Variants in GMDS observed in about 807,000 individuals in gnomAD.
GMDS encodes GDP-mannose 4,6-dehydratase.
In GMDS, 20 loss-of-function variants were observed where a neutral mutation model predicts 49.9. The ratio of observed to expected loss-of-function variants is 0.40; its 90% CI spans 0.28 to 0.58. The LOEUF is 0.58. Among genes scored for constraint, GMDS ranks in the 20% least tolerant of loss-of-function variants. The pLI is 0.42. For missense variants in GMDS, 362 were observed against 481.4 expected, an observed-to-expected ratio of 0.75 and a Z score of 2.32; for synonymous variants, 177 against 178.6, an observed-to-expected ratio of 0.99 and a Z score of 0.07.
intron 1 of GMDS, among the ~76,000 whole-genome samples, chr6:2,221,450 G>C (rs890470101): frequency 6.6e-6 from 1 of 151,776 alleles, no homozygotes. Context: ...GCGCAATCTC[G>C]GCTCACTGCA....
In GMDS at chr6:1,721,208, C is replaced by T. The variant is rs1225861042; in HGVS notation, c.987+5208G>A. 4.6e-5 allele frequency among the ~76,000 whole-genome samples: 7 copies of T among 152,028 alleles called. No homozygotes were observed. In the South Asian group the frequency reaches 8.3e-4, roughly 18 times the overall value. On this transcript the variant is annotated intron_variant, in intron 9 of 10. Transcript: ENST00000380815. ...TTTGCGGGGGGTGGGGAGGACAACTCGACAAGCATATGGTAATTTGATCAG... is the reference window on the plus strand; with the variant it reads ...TTTGCGGGGGGTGGGGAGGACAACTTGACAAGCATATGGTAATTTGATCAG...
intron 7 of GMDS, among the ~76,000 whole-genome samples, chr6:1,831,591 G>A (rs1324249527): frequency 2.0e-5 from 3 of 152,190 alleles, no homozygotes; most frequent in Non-Finnish European, 2.9e-5. Flanking sequence ...TCACTCAGGC[G>A]ATAGAAGAAA....
chr6:1,864,673 T>C (rs1295266402), intron 7 of GMDS, among the ~76,000 whole-genome samples: 1 of 152,156 alleles, frequency 6.6e-6, no homozygotes, highest in East Asian at 1.9e-4. Context: ...TTGACCTTTT[T>C]AACACCACTT....
At chr6:1,877,829 C>T (rs942296543) in intron 7 of GMDS, among the ~76,000 whole-genome samples, 2 of 151,960 alleles carry the variant, frequency 1.3e-5, no homozygotes, top group Non-Finnish European at 2.9e-5. Context: ...CTGAGAGATG[C>T]TTCATTTGGA....
At chr6:1,642,067 G>A (rs1360608645) in intron 9 of GMDS, among the ~76,000 whole-genome samples, 1 of 150,820 alleles carries the variant, frequency 6.6e-6, no homozygotes, top group Non-Finnish European at 1.5e-5. Flanking sequence ...TTTTCATCCT[G>A]TCCTCGCTCA....
intron 4 of GMDS, among the ~76,000 whole-genome samples, chr6:1,994,178 T>G (rs941125094): frequency 6.6e-6 from 1 of 152,234 alleles, no homozygotes; most frequent in Non-Finnish European, 1.5e-5. Flanking sequence ...TAAAGTCACA[T>G]TGTCTCCTTT....
chr6:1,893,357 C>A (rs944455139), intron 7 of GMDS, among the ~76,000 whole-genome samples: 1 of 151,890 alleles, frequency 6.6e-6, no homozygotes, highest in Non-Finnish European at 1.5e-5. Flanking sequence ...CCATGCCCAG[C>A]TAACTTGTAT....
At chr6:2,069,170 G>T (rs1361985244) in intron 4 of GMDS, among the ~76,000 whole-genome samples, 5 of 152,290 alleles carry the variant, frequency 3.3e-5, no homozygotes, top group African/African-American at 7.2e-5. Flanking sequence ...ATGGGGAAAG[G>T]ATTCCCTATT....
chr6:1,761,946 A>T (rs1768175193), intron 7 of GMDS, among the ~76,000 whole-genome samples: 1 of 152,240 alleles, frequency 6.6e-6, no homozygotes, highest in Non-Finnish European at 1.5e-5. Flanking sequence ...AAAATGAAAC[A>T]GAGACTTTGC....
chr6:1,941,753 T>C (rs1762833484), intron 6 of GMDS, among the ~76,000 whole-genome samples: 1 of 151,882 alleles, frequency 6.6e-6, no homozygotes. Flanking sequence ...GAGGTGAGAA[T>C]TGCTGATGCC....
intron 9 of GMDS, among the ~76,000 whole-genome samples, chr6:1,677,620 A>G (rs1764666308): frequency 6.6e-6 from 1 of 152,118 alleles, no homozygotes; most frequent in Non-Finnish European, 1.5e-5. Flanking sequence ...GCAGCCATAA[A>G]AAAGGATGAG....
chr6:2,200,346 G>C (rs1457335417), intron 1 of GMDS, among the ~76,000 whole-genome samples: 1 of 151,960 alleles, frequency 6.6e-6, no homozygotes, highest in Non-Finnish European at 1.5e-5. Context: ...CATCCGAGAT[G>C]AAACAATCTA....
intron 1 of GMDS, among the ~76,000 whole-genome samples, chr6:2,214,379 A>G (rs937805365): frequency 6.6e-6 from 1 of 151,968 alleles, no homozygotes; most frequent in African/African-American, 2.4e-5. Flanking sequence ...AATATGAGGG[A>G]AAAAAAATGG....
chr6:1,656,251 C>T (rs1183961790), intron 9 of GMDS, among the ~76,000 whole-genome samples: 1 of 152,088 alleles, frequency 6.6e-6, no homozygotes, highest in Admixed American at 6.5e-5. Context: ...GTCTCCTGGC[C>T]CCGGTGTTTG....
At chr6:2,118,655 T>C (rs1482886637) in intron 2 of GMDS, among the ~76,000 whole-genome samples, 1 of 152,236 alleles carries the variant, frequency 6.6e-6, no homozygotes, top group Non-Finnish European at 1.5e-5. Flanking sequence ...CCACAGTTAA[T>C]ATTTCTGTTG....
intron 6 of GMDS, among the ~76,000 whole-genome samples, chr6:1,958,945 ACT>A (rs1287273754): frequency 6.6e-6 from 1 of 152,182 alleles, no homozygotes; most frequent in East Asian, 1.9e-4. Flanking sequence ...ACATTTTCTT[ACT>A]TAAAACTTAA....
intron 1 of GMDS, among the ~76,000 whole-genome samples, chr6:2,173,474 C>A (rs568798566): frequency 2.0e-5 from 3 of 152,294 alleles, no homozygotes; most frequent in South Asian, 2.1e-4. Flanking sequence ...GGCAGCAAGG[C>A]AGAGAAAGTC....
chr6:1,890,729 C>G (rs1759830313), intron 7 of GMDS, among the ~76,000 whole-genome samples: 1 of 152,094 alleles, frequency 6.6e-6, no homozygotes, highest in African/African-American at 2.4e-5. Context: ...TGTAATGTAC[C>G]TTTTACCAAA....
In GMDS at chr6:1,794,444, T is replaced by C. The variant is rs1769660878; in HGVS notation, c.772-51858A>G. Reference sequence around the variant, plus strand: ...AGGGAAAGGAAACTACGGCATTATATAGAAAGCTGGGTGTTTGGTTGGTGG... The same window carrying C: ...AGGGAAAGGAAACTACGGCATTATACAGAAAGCTGGGTGTTTGGTTGGTGG... On this transcript the variant is annotated intron_variant, in intron 7 of 10. Coordinates refer to ENST00000380815, the MANE Select transcript of GMDS (RefSeq NM_001500.4). 2.6e-5 allele frequency among the ~76,000 whole-genome samples: 4 copies of C among 152,276 alleles called. No individual in the cohort carries two copies. In the South Asian group the frequency reaches 6.2e-4, roughly 24 times the overall value.
Sources: allele counts gnomAD v4.1 joint callset (sites outside exome capture counted in the v4.1 genomes callset), GRCh38; gene constraint gnomAD v4.1.1; transcripts MANE v1.5; gene names NCBI Gene and HGNC (gene_info 2026-07-23, HGNC 2026-07-21).